Variants in HOPX observed in about 807,000 individuals in gnomAD.
HOPX encodes homeodomain-only protein.
In HOPX, 5 loss-of-function variants were observed where a neutral mutation model predicts 11.8. That is an observed-to-expected ratio of 0.43 (90% CI 0.22 to 0.89). The LOEUF is 0.89. Among genes scored for constraint, HOPX ranks in the 40% least tolerant of loss-of-function variants. The pLI, the probability that HOPX is intolerant of heterozygous loss-of-function variation, is 0.28. For missense variants in HOPX, 119 were observed against 120.0 expected (o/e 0.99, Z 0.04); for synonymous variants, 49 against 49.7 (o/e 0.99, Z 0.06).
intron 2 of HOPX, chr4:56,656,500 C>T (rs1018216692): frequency 4.1e-6 from 4 of 982,506 alleles, no homozygotes; most frequent in Non-Finnish European, 4.8e-6. Context: ...CTCCGGCCTC[C>T]CCGGTAGGCG....
intron 1 of HOPX, chr4:56,662,591 T>G (rs1251366474): frequency 6.6e-6 from 1 of 152,012 alleles, no homozygotes; most frequent in Non-Finnish European, 1.5e-5. Flanking sequence ...GCGATTCTCC[T>G]ACTTCAGCCT....
intron 1 of HOPX, among the ~76,000 whole-genome samples, chr4:56,670,988 AAATC>A (rs1419985873): frequency 2.6e-5 from 4 of 152,012 alleles, no homozygotes; most frequent in Non-Finnish European, 4.4e-5. Context: ...AAAAAAAAAA[AAATC>A]AAATACAGAT....
At chr4:56,655,041 G>C (rs998812604) in intron 3 of HOPX, among the ~76,000 whole-genome samples, 1 of 152,156 alleles carries the variant, frequency 6.6e-6, no homozygotes, top group Non-Finnish European at 1.5e-5. Flanking sequence ...ACAACCACAG[G>C]CCGTGTTGCA....
intron 1 of HOPX, chr4:56,672,715 G>A (rs1033799218): frequency 1.2e-4 from 18 of 151,916 alleles, no homozygotes; most frequent in African/African-American, 4.1e-4. Context: ...GGCTGGTCTC[G>A]AACTCCTGAG....
At chr4:56,668,568 G>C (rs1718560923) in intron 1 of HOPX, among the ~76,000 whole-genome samples, 1 of 152,260 alleles carries the variant, frequency 6.6e-6, no homozygotes, top group South Asian at 2.1e-4. Context: ...TTTTTTTAGA[G>C]ATGGGGCCTT....
chr4:56,656,099 C>T (rs1427175619), intron 2 of HOPX, 87 bp from the exon 3 acceptor site: 39 of 1,317,742 alleles, frequency 3.0e-5, no homozygotes, highest in Non-Finnish European at 2.0e-5. Context: ...CGCCGCCGGG[C>T]AGCCCCAGCC....
intron 1 of HOPX, among the ~76,000 whole-genome samples, chr4:56,669,780 G>A (rs1035839971): frequency 1.5e-4 from 23 of 152,120 alleles, no homozygotes; most frequent in Non-Finnish European, 2.6e-4. Context: ...TACATAAAAT[G>A]TTAAATTTCT....
At chr4:56,659,811 G>C (rs1718001262) in intron 1 of HOPX, among the ~76,000 whole-genome samples, 1 of 152,134 alleles carries the variant, frequency 6.6e-6, no homozygotes, top group African/African-American at 2.4e-5. Flanking sequence ...CTCTAATGCT[G>C]TATATCATCT....
At chr4:56,656,039 G>T (rs1175660343) in intron 2 of HOPX, 27 bp from the exon 3 acceptor site, 2 of 1,540,912 alleles carry the variant, frequency 1.3e-6, no homozygotes, top group South Asian at 1.2e-5. Context: ...AGCGGCGGCG[G>T]TGAGCGAGGC....
At chr4:56,653,423 G>T (rs148670442) in intron 3 of HOPX, among the ~76,000 whole-genome samples, 8 of 152,104 alleles carry the variant, frequency 5.3e-5, no homozygotes, top group African/African-American at 1.4e-4. Context: ...GATGAAAGAA[G>T]AAATCATTCT....
At chr4:56,657,752 C>G in intron 2 of HOPX, 23 bp downstream of exon 2, 2 of 989,668 alleles carry the variant, frequency 2.0e-6, no homozygotes, top group Non-Finnish European at 3.2e-6. Context: ...AACTTCAGAG[C>G]TGGGAAGAAC....
chr4:56,669,091 A>G (rs1358351922), intron 1 of HOPX, among the ~76,000 whole-genome samples: 1 of 152,170 alleles, frequency 6.6e-6, no homozygotes, highest in Non-Finnish European at 1.5e-5. Flanking sequence ...GGGCCAGATG[A>G]CTTCTGAGGG....
chr4:56,656,445 G>A (rs527997612), intron 2 of HOPX: 23 of 987,024 alleles, frequency 2.3e-5, no homozygotes, highest in Non-Finnish European at 2.4e-5. Flanking sequence ...GGACAGACTT[G>A]ACAGATCGCG....
chr4:56,678,670 T>TCCTG (rs951670319), intron 1 of HOPX: 1 of 152,092 alleles, frequency 6.6e-6, no homozygotes, highest in African/African-American at 2.4e-5. Context: ...GGTCTCGAAC[T>TCCTG]CCTGACCTTA....
chr4:56,648,620 C>T lies in HOPX; in HGVS notation c.*100G>A. 1.3e-6 allele frequency: 1 copy of T among 746,846 alleles called. No homozygotes were observed. Among genetic ancestry groups the T allele is most frequent in the Non-Finnish European group, 2.2e-6 (1 of 449,612 alleles). 46.3% of individuals were successfully genotyped at this position (746,846 alleles called of 1,614,324 possible). On this transcript the variant is annotated 3_prime_UTR_variant, in exon 4 of 4. Coordinates refer to ENST00000420433, the MANE Select transcript of HOPX (RefSeq NM_032495.6). ...AACAGCAGGACAGCTAGCAATGGAA[C>T]ATACAACACTATGCTGAAAAACCAC...
At chr4:56,663,453 CT>C (rs747034523) in intron 1 of HOPX, 1 of 152,110 alleles carries the variant, frequency 6.6e-6, no homozygotes, top group Non-Finnish European at 1.5e-5. Context: ...GAAGTGCTGC[CT>C]TTTGAAATTT....
chr4:56,678,665 C>T (rs1327469265), intron 1 of HOPX: 3 of 152,162 alleles, frequency 2.0e-5, no homozygotes, highest in South Asian at 4.1e-4. Context: ...AAGCTGGTCT[C>T]GAACTCCTGA....
chr4:56,659,612 A>G (rs1029425310), intron 1 of HOPX: 1 of 152,206 alleles, frequency 6.6e-6, no homozygotes, highest in Admixed American at 6.5e-5. Context: ...TCCTTAAGCT[A>G]ACAGCAGTGC....
At chr4:56,676,950 C>T (rs1047424626) in intron 1 of HOPX, among the ~76,000 whole-genome samples, 3 of 151,624 alleles carry the variant, frequency 2.0e-5, no homozygotes, top group South Asian at 2.1e-4. Flanking sequence ...TGGCCACATG[C>T]ACTGGGAGGG....
Sources: gnomAD v4.1 joint callset for allele counts (sites outside exome capture counted in the v4.1 genomes callset) on GRCh38, gnomAD v4.1.1 for gene constraint, MANE v1.5 for transcripts, NCBI Gene and HGNC (gene_info 2026-07-23, HGNC 2026-07-21) for gene names.